Variants in IARS1 observed in about 807,000 individuals in gnomAD.
IARS1 encodes the protein isoleucine--tRNA ligase, cytoplasmic.
IARS1 carries 124 observed loss-of-function variants against 168.2 expected under a neutral mutation model. That is an observed-to-expected ratio of 0.74 (90% confidence interval 0.64 to 0.86). IARS1 has a LOEUF of 0.86. Among genes scored for constraint, IARS1 ranks in the 40% least tolerant of loss-of-function variants. IARS1 has a pLI of 0.00. For missense variants in IARS1, 1,452 were observed against 1,515.8 expected (o/e 0.96, Z 0.70); for synonymous variants, 532 against 529.4 (o/e 1.00, Z -0.07).
At chr9:92,216,021 A>G (rs2133338896) in intron 33 of IARS1, among the ~76,000 whole-genome samples, 1 of 151,434 alleles carries the variant, frequency 6.6e-6, no homozygotes, top group East Asian at 1.9e-4. Context: ...GCAGCCAGAG[A>G]GAAAGGTCGG....
intron 10 of IARS1, among the ~76,000 whole-genome samples, chr9:92,273,599 T>C (rs1478962086): frequency 6.6e-6 from 1 of 152,188 alleles, no homozygotes; most frequent in Non-Finnish European, 1.5e-5. Context: ...ATTTCCATAA[T>C]AAAAATTCAA....
Position 92,249,880 on chromosome 9 carries a change from G to T in IARS1, c.2594C>A (p.Ser865Tyr), listed in dbSNP as rs776539941. 3.1e-6 allele frequency: 5 copies of T among 1,597,402 alleles called. No individual in the cohort carries two copies. In the South Asian group the frequency reaches 4.4e-5, roughly 14 times the overall value. ...QDPEALKDIK[S>Y]LEKYIIEELN... is the part of the protein sequence containing the mutation. ...TACCTCAATGATATACTTCTCCAAA[G>T]ACTTGATATCTTTAAGAGCTTCTGG... The change falls in exon 25 of 34, where the codon TCT becomes TAT. Residue 865 changes from serine (S) to tyrosine (Y), a missense_variant. Coordinates refer to ENST00000443024, the MANE Select transcript of IARS1 (RefSeq NM_002161.6).
In IARS1 at chr9:92,271,408, G is replaced by A. The variant is rs140987636; in HGVS notation, c.1113+125C>T. 4.3e-5 allele frequency: 52 copies of A among 1,204,468 alleles called. No individual in the cohort carries two copies. The African/African-American group carries it at 6.2e-4, about 14-fold the overall frequency. The allele number at this position is 1,204,468 out of a possible 1,614,324, so 74.6% of individuals were successfully genotyped here. On this transcript the variant is annotated intron_variant, in intron 11 of 33. Coordinates refer to ENST00000443024, the MANE Select transcript of IARS1 (RefSeq NM_002161.6). ...CGTAACTGATAACATCTGTCTTTAC[G>A]GATTTCATGCGATGACAAAACCAAA...
intron 10 of IARS1, among the ~76,000 whole-genome samples, chr9:92,272,566 A>G (rs1038748070): frequency 2.0e-5 from 3 of 152,188 alleles, no homozygotes; most frequent in African/African-American, 7.2e-5. Context: ...AATGTTTACC[A>G]AGGCCGGGTG....
intron 33 of IARS1, among the ~76,000 whole-genome samples, chr9:92,212,437 G>T (rs1837913626): frequency 6.6e-6 from 1 of 152,166 alleles, no homozygotes; most frequent in Non-Finnish European, 1.5e-5. Flanking sequence ...AGAGTAAAGA[G>T]AATACAGAAA....
intron 16 of IARS1, 23 bp downstream of exon 16, chr9:92,264,906 G>A (rs1832062532): frequency 6.3e-7 from 1 of 1,586,992 alleles, no homozygotes; most frequent in African/African-American, 1.4e-5. Context: ...TAAAACACGT[G>A]ATGAAAGAAC....
chr9:92,260,189 T>G lies in IARS1; in HGVS notation c.1833A>C (p.Pro611=). 6.2e-7 allele frequency: 1 copy of G among 1,614,194 alleles called. No individual in the cohort carries two copies. The highest frequency in any genetic ancestry group is 1.1e-5 in the South Asian group (1 of 91,082). The change falls in exon 18 of 34, where the codon CCA becomes CCC. Residue 611 remains proline (P), a synonymous_variant. Transcript: ENST00000443024. ...MSKRKKNYPD[P]VSIIQKYGAD... Reference sequence around the variant, plus strand: ...CACCATACTTCTGGATGATGGAAACTGGATCTGGATAATTCTTTTTCCGTT... The same window carrying G: ...CACCATACTTCTGGATGATGGAAACGGGATCTGGATAATTCTTTTTCCGTT...
chr9:92,228,281 C>T (rs977195694), intron 31 of IARS1, among the ~76,000 whole-genome samples: 1 of 152,100 alleles, frequency 6.6e-6, no homozygotes, highest in Non-Finnish European at 1.5e-5. Context: ...GGGGTTAGGA[C>T]ATAATCTTTT....
intron 32 of IARS1, 116 bp downstream of exon 32, chr9:92,223,230 G>T: frequency 1.1e-6 from 1 of 903,318 alleles, no homozygotes; most frequent in Non-Finnish European, 1.6e-6. Flanking sequence ...TTGCGTGAGA[G>T]CCCACACTTT....
At chr9:92,286,030 A>T in intron 5 of IARS1, 191 bp from the exon 6 acceptor site, 1 of 518,534 alleles carries the variant, frequency 1.9e-6, no homozygotes, top group Non-Finnish European at 3.5e-6. Context: ...TAAAATGCTA[A>T]TATCTACTGA....
At chr9:92,270,727 T>C (rs10992291) in intron 12 of IARS1, among the ~76,000 whole-genome samples, 72,272 of 151,894 alleles carry the variant, frequency 0.48, 20,714 homozygotes, top group African/African-American at 0.81. Context: ...GCCGGGGAGG[T>C]GGAGGGTGCA....
At chr9:92,234,992 C>T (rs539452201) in intron 30 of IARS1, among the ~76,000 whole-genome samples, 2 of 151,998 alleles carry the variant, frequency 1.3e-5, no homozygotes, top group African/African-American at 2.4e-5. Context: ...TACAGGTGAC[C>T]GCCATCACAC....
At chr9:92,233,530 T>G (rs1827036472) in intron 30 of IARS1, among the ~76,000 whole-genome samples, 1 of 152,244 alleles carries the variant, frequency 6.6e-6, no homozygotes, top group African/African-American at 2.4e-5. Flanking sequence ...AGAATTATCA[T>G]AACTCTTGTG....
chr9:92,258,832 T>C (rs1831107555), intron 19 of IARS1, 22 bp downstream of exon 19: 26 of 1,582,414 alleles, frequency 1.6e-5, no homozygotes, highest in Non-Finnish European at 2.1e-5. Context: ...CAGGTACATG[T>C]GCAGCCCCCT....
chr9:92,223,230 G>GC lies in IARS1; in HGVS notation c.3553+115dup, dbSNP rs891233364. Reference sequence around the variant, plus strand: ...GGTTGCTCCCCAAAGTTGCGTGAGAGCCCACACTTTAAAGCAATACTTTGA... The same window carrying GC: ...GGTTGCTCCCCAAAGTTGCGTGAGAGCCCCACACTTTAAAGCAATACTTTGA... On this transcript the variant is annotated intron_variant, in intron 32 of 33. Coordinates refer to ENST00000443024, the MANE Select transcript of IARS1 (RefSeq NM_002161.6). 6.3e-5 allele frequency: 57 copies of GC among 903,318 alleles called. No homozygotes were observed. The African/African-American group carries it at 8.8e-4, about 14-fold the overall frequency. 56.0% of individuals were successfully genotyped at this position (903,318 alleles called of 1,614,324 possible).
chr9:92,289,730 G>C (rs540978294), intron 1 of IARS1, among the ~76,000 whole-genome samples: 2 of 152,118 alleles, frequency 1.3e-5, no homozygotes, highest in African/African-American at 4.8e-5. Flanking sequence ...CAGTGGCAAC[G>C]ATTTATCTTC....
intron 9 of IARS1, among the ~76,000 whole-genome samples, 162 bp downstream of exon 9, chr9:92,277,701 A>T (rs1357501801): frequency 1.3e-5 from 2 of 151,924 alleles, no homozygotes; most frequent in Non-Finnish European, 2.9e-5. Context: ...ATCCTCTAAG[A>T]CAAGAAAGCT....
intron 20 of IARS1, chr9:92,253,715 CA>C (rs1830334394): frequency 2.0e-6 from 1 of 510,962 alleles, no homozygotes; most frequent in Non-Finnish European, 3.7e-6. Flanking sequence ...TGAGAAAAGC[CA>C]AAAACTCCAG....
chr9:92,270,978 T>C lies in IARS1; in HGVS notation c.1205+7A>G, dbSNP rs751846861. ...CTAGCTACAACACAGTCTTTGTTTCTTCTGACCTCCAGCAAAAAGGGTAGC... is the reference window on the plus strand; with the variant it reads ...CTAGCTACAACACAGTCTTTGTTTCCTCTGACCTCCAGCAAAAAGGGTAGC... On this transcript the variant is annotated splice_region_variant and intron_variant, in intron 12 of 33. Coordinates refer to ENST00000443024, the MANE Select transcript of IARS1 (RefSeq NM_002161.6). 1.9e-6 allele frequency: 3 copies of C among 1,603,644 alleles called. No individual in the cohort carries two copies. In the Admixed American group the frequency reaches 5.1e-5, roughly 27 times the overall value.
Sources: gnomAD v4.1 joint callset for allele counts (sites outside exome capture counted in the v4.1 genomes callset) on GRCh38, gnomAD v4.1.1 for gene constraint, MANE v1.5 for transcripts, NCBI Gene and HGNC (gene_info 2026-07-23, HGNC 2026-07-21) for gene names.